Variants in SPOCK3 observed in about 807,000 individuals in gnomAD.
The protein encoded by SPOCK3 is testican-3.
In SPOCK3, 30 loss-of-function variants were observed where a neutral mutation model predicts 56.6. The observed-to-expected ratio is 0.53, with a 90% CI of 0.40 to 0.72. SPOCK3 has a LOEUF of 0.72. Ranked by LOEUF, SPOCK3 falls within the 30% of genes least tolerant of loss-of-function variation. SPOCK3 has a pLI of 0.00. For synonymous variants in SPOCK3, 196 were observed against 183.3 expected (o/e 1.07, Z -0.56); for missense variants, 527 against 530.0 (o/e 0.99, Z 0.06).
chr4:167,126,686 T>C (rs1762314346), intron 2 of SPOCK3, among the ~76,000 whole-genome samples: 1 of 151,680 alleles, frequency 6.6e-6, no homozygotes, highest in Non-Finnish European at 1.5e-5. Context: ...ATACCTGAGC[T>C]CACCTAAGTG....
At chr4:166,960,442 GAT>G (rs889406733) in intron 4 of SPOCK3, among the ~76,000 whole-genome samples, 3 of 152,108 alleles carry the variant, frequency 2.0e-5, no homozygotes, top group Non-Finnish European at 4.4e-5. Context: ...CTGAAGGATG[GAT>G]ATATGTGTCT....
chr4:166,975,297 A>G (rs1745822020), intron 4 of SPOCK3, among the ~76,000 whole-genome samples: 1 of 152,228 alleles, frequency 6.6e-6, no homozygotes, highest in South Asian at 2.1e-4. Flanking sequence ...TCATCATGCT[A>G]TACCTTTATC....
chr4:167,162,716 T>TC (rs1361816583), intron 2 of SPOCK3, among the ~76,000 whole-genome samples: 1 of 152,040 alleles, frequency 6.6e-6, no homozygotes, highest in East Asian at 1.9e-4. Context: ...TAATTCTGCC[T>TC]CCCCTATCAT....
chr4:166,899,508 C>CTTTTTTTTTTTTT (rs781766258), intron 5 of SPOCK3, among the ~76,000 whole-genome samples: 76 of 119,078 alleles, frequency 6.4e-4, no homozygotes, highest in Non-Finnish European at 8.6e-4. Context: ...TTCTTTCTTT[C>CTTTTTTTTTTTTT]TTTTTTTTTT....
intron 5 of SPOCK3, among the ~76,000 whole-genome samples, chr4:166,903,077 C>A (rs1736228505): frequency 6.9e-6 from 1 of 143,966 alleles, no homozygotes; most frequent in African/African-American, 2.5e-5. Flanking sequence ...ATTAGTGTGC[C>A]CCTTTATTTA....
At chr4:167,053,212 G>C (rs1398139560) in intron 3 of SPOCK3, among the ~76,000 whole-genome samples, 1 of 152,014 alleles carries the variant, frequency 6.6e-6, no homozygotes, top group Non-Finnish European at 1.5e-5. Flanking sequence ...CCAAAGAGCT[G>C]GTTTTTGTTT....
intron 6 of SPOCK3, among the ~76,000 whole-genome samples, chr4:166,825,152 AC>A (rs1560898570): frequency 6.6e-6 from 1 of 152,092 alleles, no homozygotes; most frequent in African/African-American, 2.4e-5. Context: ...CAAATAAGGT[AC>A]CTAAGAAAAT....
chr4:166,851,739 C>T (rs1270799893), intron 6 of SPOCK3, among the ~76,000 whole-genome samples: 6 of 151,492 alleles, frequency 4.0e-5, no homozygotes, highest in South Asian at 4.2e-4. Context: ...GTCAGTGTGG[C>T]GATTCCTCAG....
intron 2 of SPOCK3, among the ~76,000 whole-genome samples, chr4:167,167,330 G>A (rs1730058151): frequency 6.6e-6 from 1 of 152,110 alleles, no homozygotes; most frequent in South Asian, 2.1e-4. Context: ...GCGTTTTGGT[G>A]AGAATGGAGG....
At chr4:166,748,991 G>A (rs547552361) in intron 8 of SPOCK3, among the ~76,000 whole-genome samples, 1 of 137,334 alleles carries the variant, frequency 7.3e-6, no homozygotes, top group Admixed American at 7.0e-5. Flanking sequence ...GAAACAACAG[G>A]TGCTGGAGAG....
At chr4:167,120,364 G>A (rs895026257) in intron 2 of SPOCK3, among the ~76,000 whole-genome samples, 1 of 152,032 alleles carries the variant, frequency 6.6e-6, no homozygotes. Flanking sequence ...CTGGTACATA[G>A]TAAGGTTGTA....
chr4:166,815,193 T>C (rs540248644), intron 6 of SPOCK3, among the ~76,000 whole-genome samples: 1 of 152,122 alleles, frequency 6.6e-6, no homozygotes, highest in African/African-American at 2.4e-5. Flanking sequence ...CTAACTGATG[T>C]ACAGGGAAAC....
At chr4:167,201,819 T>C (rs193180168) in intron 2 of SPOCK3, among the ~76,000 whole-genome samples, 1 of 152,046 alleles carries the variant, frequency 6.6e-6, no homozygotes, top group African/African-American at 2.4e-5. Flanking sequence ...CTAAGGATCC[T>C]AACTAAAGAA....
intron 6 of SPOCK3, among the ~76,000 whole-genome samples, chr4:166,804,191 C>A (rs1015619540): frequency 2.6e-5 from 4 of 152,108 alleles, no homozygotes; most frequent in African/African-American, 9.7e-5. Flanking sequence ...GCTGCCATAA[C>A]AAAGTACCAC....
At chr4:166,895,059 TTTAA>T (rs1317154785) in intron 5 of SPOCK3, among the ~76,000 whole-genome samples, 1 of 152,156 alleles carries the variant, frequency 6.6e-6, no homozygotes, top group Non-Finnish European at 1.5e-5. Context: ...ATTTTATTTG[TTTAA>T]TTAAACTTTG....
chr4:167,228,674 G>A (rs1006388908), intron 2 of SPOCK3, among the ~76,000 whole-genome samples: 3 of 152,080 alleles, frequency 2.0e-5, no homozygotes, highest in African/African-American at 7.2e-5. Flanking sequence ...TTTGTGCTGT[G>A]ATCACGGCTT....
intron 4 of SPOCK3, among the ~76,000 whole-genome samples, chr4:166,976,146 C>T (rs13327911): frequency 0.013 from 1,786 of 140,530 alleles, 39 homozygotes; most frequent in African/African-American, 0.046. Flanking sequence ...AGCCAATTAA[C>T]TAACCAAGAA....
intron 6 of SPOCK3, among the ~76,000 whole-genome samples, chr4:166,844,318 AG>A (rs1747828122): frequency 6.6e-6 from 1 of 152,204 alleles, no homozygotes; most frequent in Non-Finnish European, 1.5e-5. Context: ...TAGTGACTAC[AG>A]GAAATTGATG....
chr4:166,937,227 C>T (rs928446143), intron 4 of SPOCK3, among the ~76,000 whole-genome samples: 2 of 151,596 alleles, frequency 1.3e-5, no homozygotes, highest in East Asian at 1.9e-4. Flanking sequence ...AGCATCAAGT[C>T]GTGACTAGAA....
Sources: gnomAD v4.1 joint callset for allele counts (sites outside exome capture counted in the v4.1 genomes callset) on GRCh38, gnomAD v4.1.1 for gene constraint, MANE v1.5 for transcripts, NCBI Gene and HGNC (gene_info 2026-07-23, HGNC 2026-07-21) for gene names.